PDE3B: variants seen among roughly 807,000 people sequenced by gnomAD.
PDE3B encodes the protein cGMP-inhibited 3',5'-cyclic phosphodiesterase 3B.
A neutral mutation model predicts 116.8 loss-of-function variants in PDE3B; 66 were observed. That is an observed-to-expected ratio of 0.56 (90% CI 0.46 to 0.69). The LOEUF is 0.69. PDE3B is among the 30% of genes least tolerant of loss of function. The pLI is 0.00. For synonymous variants in PDE3B, 595 were observed against 533.6 expected (o/e 1.12, Z -1.59); for missense variants, 1,384 against 1,368.1 (o/e 1.01, Z -0.18).
At chr11:14,753,006 A>G (rs183394658) in intron 1 of PDE3B, among the ~76,000 whole-genome samples, 1 of 152,256 alleles carries the variant, frequency 6.6e-6, no homozygotes, top group East Asian at 1.9e-4. Context: ...GTCTTCAGGT[A>G]TTAAGGAATG....
At chr11:14,849,823 A>C (rs1482197514) in intron 12 of PDE3B, among the ~76,000 whole-genome samples, 4 of 152,068 alleles carry the variant, frequency 2.6e-5, no homozygotes, top group Non-Finnish European at 5.9e-5. Context: ...GCAATCATTA[A>C]AAAGTCAGGA....
Position 14,644,281 on chromosome 11 carries a change from C to A in PDE3B, c.206C>A (p.Pro69Gln), listed in dbSNP as rs981898619. Residue 69 changes from proline to glutamine, a missense_variant, in exon 1 of 16, where the codon CCG becomes CAG. Around this residue, in one of 2 missense-constraint regions of PDE3B, gnomAD observed 956 missense variants for 806.8 expected, o/e 1.18. Coordinates refer to ENST00000282096, the MANE Select transcript of PDE3B (RefSeq NM_000922.4). ...LRPPPASPQQPRRCSPFCRAR... is the reference protein window; with the variant it reads ...LRPPPASPQQQRRCSPFCRAR... ...CCGCCGCCGGCCTCTCCCCAGCAGC[C>A]GCGGCGCTGCTCCCCCTTCTGCCGG... is the stretch of plus-strand genomic sequence containing the variant. 1.3e-6 allele frequency: 2 copies of A among 1,565,178 alleles called. No individual in the cohort carries two copies. Among genetic ancestry groups the A allele is most frequent in the East Asian group, 4.8e-5 (2 of 41,442 alleles).
chr11:14,846,497 T>C (rs1415000728), intron 12 of PDE3B, among the ~76,000 whole-genome samples: 2 of 152,098 alleles, frequency 1.3e-5, no homozygotes, highest in Non-Finnish European at 1.5e-5. Context: ...CAATATTAAC[T>C]TTAAATGTAA....
chr11:14,836,208 A>G (rs978688217), intron 11 of PDE3B, among the ~76,000 whole-genome samples: 3 of 151,924 alleles, frequency 2.0e-5, no homozygotes, highest in Non-Finnish European at 4.4e-5. Flanking sequence ...TTTAGCTGTC[A>G]TTTTGTCTTA....
intron 1 of PDE3B, among the ~76,000 whole-genome samples, chr11:14,712,216 G>A (rs748528152): frequency 6.6e-6 from 1 of 152,180 alleles, no homozygotes; most frequent in South Asian, 2.1e-4. Flanking sequence ...CTCCCAAGTA[G>A]CTAGGACTAC....
the PDE3B span, among the ~76,000 whole-genome samples, chr11:14,887,879 C>T: frequency 1.6e-4 from 24 of 152,238 alleles, no homozygotes; most frequent in East Asian, 5.8e-4. Context: ...TGCAGGTGAC[C>T]GGTCTAAGTC....
the PDE3B span, chr11:14,878,441 C>A: frequency 2.4e-5 from 20 of 841,570 alleles, no homozygotes; most frequent in Non-Finnish European, 3.6e-5. Flanking sequence ...TTTCTTAAAT[C>A]TCAAAGAATA....
the PDE3B span, among the ~76,000 whole-genome samples, chr11:14,897,428 G>A: frequency 6.6e-6 from 1 of 152,092 alleles, no homozygotes; most frequent in African/African-American, 2.4e-5. Flanking sequence ...TCTGGTCTTT[G>A]TGTCTGAACC....
intron 4 of PDE3B, among the ~76,000 whole-genome samples, chr11:14,797,517 G>A (rs1490676015): frequency 6.6e-6 from 1 of 152,076 alleles, no homozygotes; most frequent in Non-Finnish European, 1.5e-5. Context: ...ATATTACTTT[G>A]GGCAGTATGG....
the PDE3B span, chr11:14,887,433 A>G: frequency 4.5e-6 from 1 of 222,018 alleles, no homozygotes; most frequent in Non-Finnish European, 7.6e-6. Context: ...GTATTCCTGT[A>G]TACAGTTTTC....
the PDE3B span, chr11:14,892,378 G>A: frequency 3.1e-6 from 2 of 652,472 alleles, no homozygotes; most frequent in African/African-American, 1.8e-5. Flanking sequence ...CTAGTTTTGC[G>A]CGGCTGAGAG....
At chr11:14,788,690 T>C (rs1858288388) in intron 3 of PDE3B, among the ~76,000 whole-genome samples, 1 of 151,960 alleles carries the variant, frequency 6.6e-6, no homozygotes. Flanking sequence ...GATTAACAGC[T>C]AAGTAAATTC....
intron 13 of PDE3B, among the ~76,000 whole-genome samples, chr11:14,859,564 G>C (rs1847909733): frequency 6.6e-6 from 1 of 152,080 alleles, no homozygotes; most frequent in South Asian, 2.1e-4. Context: ...TGAGTTTAAA[G>C]AGAGATTTGA....
chr11:14,888,524 A>G, the PDE3B span, among the ~76,000 whole-genome samples: 1 of 152,042 alleles, frequency 6.6e-6, no homozygotes, highest in Non-Finnish European at 1.5e-5. Flanking sequence ...CTGCCATACT[A>G]CCCTAACCAT....
chr11:14,848,311 A>G (rs1453155866), intron 12 of PDE3B, among the ~76,000 whole-genome samples: 2 of 141,592 alleles, frequency 1.4e-5, no homozygotes, highest in African/African-American at 5.3e-5. Flanking sequence ...AAAACTCTCA[A>G]TAAATTAGGT....
chr11:14,667,631 T>G lies in PDE3B; in HGVS notation c.978+22578T>G, dbSNP rs1332211661. ...CATGTTCTCACTGATAGGTGGGAAT[T>G]GAACAATGAGAACACATGGACACAG... is the stretch of plus-strand genomic sequence containing the variant. On this transcript the variant is annotated intron_variant, in intron 1 of 15. Transcript: ENST00000282096. Among the ~76,000 whole-genome samples the G allele has an allele frequency of 4.0e-5, 6 of 149,066 alleles. No homozygotes were observed. In the South Asian group the frequency reaches 6.3e-4, roughly 16 times the overall value.
At chr11:14,696,424 G>C (rs1489298394) in intron 1 of PDE3B, among the ~76,000 whole-genome samples, 1 of 152,158 alleles carries the variant, frequency 6.6e-6, no homozygotes, top group Non-Finnish European at 1.5e-5. Flanking sequence ...CATTAGGTGA[G>C]AGTTTCATTT....
In PDE3B at chr11:14,671,580, A is replaced by G. The variant is rs182429851; in HGVS notation, c.978+26527A>G. On this transcript the variant is annotated intron_variant, in intron 1 of 15. Coordinates refer to ENST00000282096, the MANE Select transcript of PDE3B (RefSeq NM_000922.4). ...GTATAATTTATGTTTAAAAAAGATT[A>G]TTCTTGCTTGTTTATGGGCTATTGA... 1.4e-3 allele frequency among the ~76,000 whole-genome samples: 219 copies of G among 152,240 alleles called. 1 individual carries two copies. Among genetic ancestry groups the G allele is most frequent in the Admixed American group, 5.0e-3 (77 of 15,286 alleles).
intron 1 of PDE3B, among the ~76,000 whole-genome samples, chr11:14,665,807 T>C (rs931325054): frequency 6.6e-6 from 1 of 152,130 alleles, no homozygotes; most frequent in Non-Finnish European, 1.5e-5. Flanking sequence ...GGAAGAACAT[T>C]CCATGCTCAT....
Sources: gnomAD v4.1 joint callset for allele counts (sites outside exome capture counted in the v4.1 genomes callset) on GRCh38, gnomAD v4.1.1 for gene constraint, gnomAD v4.1.1 regional missense constraint, MANE v1.5 for transcripts, NCBI Gene and HGNC (gene_info 2026-07-23, HGNC 2026-07-21) for gene names.